Variants in PURG observed in about 807,000 individuals in gnomAD.
The protein encoded by PURG is purine rich element binding protein G, also known as purine-rich element-binding protein gamma.
Under a neutral mutation model 24.3 loss-of-function variants are expected in PURG, and 3 were observed. The observed-to-expected ratio is 0.12, with a 90% CI of 0.06 to 0.32. The LOEUF (loss-of-function observed/expected upper bound fraction) is 0.32. Ranked by LOEUF, PURG falls within the 10% of genes least tolerant of loss-of-function variation. The pLI is 1.00. For synonymous variants in PURG, 180 were observed against 173.1 expected, an observed-to-expected ratio of 1.04 and a Z score of -0.31; for missense variants, 371 against 439.1, an observed-to-expected ratio of 0.84 and a Z score of 1.39.
intron 1 of PURG, among the ~76,000 whole-genome samples, chr8:31,018,158 T>TAA (rs1468286557): frequency 6.6e-6 from 1 of 152,228 alleles, no homozygotes; most frequent in Admixed American, 6.5e-5. Context: ...ACCTAGTTCT[T>TAA]ACGTTGTTTT....
chr8:31,026,339 A>G (rs915603121), downstream of PURG, among the ~76,000 whole-genome samples: 25 of 151,698 alleles, frequency 1.6e-4, no homozygotes, highest in African/African-American at 6.0e-4. Flanking sequence ...TGTGAGGGGA[A>G]TACAGGAAGG....
intron 1 of PURG, among the ~76,000 whole-genome samples, chr8:31,013,838 C>T (rs1280762570): frequency 6.6e-6 from 1 of 152,192 alleles, no homozygotes; most frequent in East Asian, 1.9e-4. Context: ...CTCTGAGGAA[C>T]GCATGGAATT....
chr8:31,008,281 T>G (rs947718965), intron 1 of PURG, among the ~76,000 whole-genome samples: 1 of 152,206 alleles, frequency 6.6e-6, no homozygotes, highest in Non-Finnish European at 1.5e-5. Context: ...GTTAACAGCC[T>G]TATGTACCTG....
At chr8:31,018,385 T>C (rs1373384163) in intron 1 of PURG, among the ~76,000 whole-genome samples, 2 of 152,226 alleles carry the variant, frequency 1.3e-5, no homozygotes, top group African/African-American at 2.4e-5. Flanking sequence ...ATTAATTCCC[T>C]TTATGCATCC....
intron 1 of PURG, among the ~76,000 whole-genome samples, chr8:31,015,099 CATATTGCTT>C (rs1810834599): frequency 1.3e-5 from 2 of 152,162 alleles, no homozygotes; most frequent in Non-Finnish European, 2.9e-5. Context: ...GTTAAGAAAA[CATATTGCTT>C]ATTTTAAAGA....
rs1355150463 is a variant in PURG at position 31,032,295 on chromosome 8, G to A, written c.488C>T (p.Ser163Phe). The change falls in exon 2 of 2, where the codon TCC becomes TTC. Residue 163 changes from serine to phenylalanine, a missense_variant. Physicochemically the swap from Ser to Phe is radical, Grantham distance 155. This residue lies in a region of PURG where 213 missense variants were observed against 230.6 expected (regional missense o/e 0.92). Coordinates refer to ENST00000523392, the MANE Select transcript of PURG (RefSeq NM_001323311.2). This position sits in a 1 kb window ranked among gnomAD's most constrained non-coding sequence, Gnocchi z 5.9. The stretch of plus-strand genomic sequence containing the variant: ...CAGGACACTGTGAGGATGCTCTTCG[G>A]ACCCCACCGAGACTGGTGGGGAGGG... ...SAPSPPVSVG[S>F]EEHPHSVLKT... The A allele has an allele frequency of 6.2e-7, 1 of 1,612,804 alleles. No individual in the cohort carries two copies.
Position 31,032,817 on chromosome 8 carries a change from G to A in PURG, c.-6-29C>T, listed in dbSNP as rs146627351. 1.2e-4 allele frequency: 164 copies of A among 1,365,396 alleles called. No individual in the cohort carries two copies. In the East Asian group the frequency reaches 4.0e-3, roughly 34 times the overall value. The allele number at this position is 1,365,396 out of a possible 1,614,324, so 84.6% of individuals were successfully genotyped here. A position where few individuals can be genotyped will look rare whatever the true frequency, so the allele number is the denominator to read the frequency against. ...CAAGTAACAAACAGACACACGGGAT[G>A]GGGTGGGGGAGGGGTGTTGAGAACA... On this transcript the variant is annotated intron_variant, in intron 1 of 1. Transcript: ENST00000523392. The surrounding 1 kb of genome is among the most constrained non-coding windows in gnomAD (Gnocchi z 5.9).
At position 31,031,543 on chromosome 8, in the gene PURG, T is replaced by C. The variant is rs748827678; in HGVS notation, c.*196A>G. 3.3e-5 allele frequency: 20 copies of C among 604,380 alleles called. No homozygotes were observed. Among genetic ancestry groups the C allele is most frequent in the Admixed American group, 1.5e-4 (5 of 32,732 alleles). 37.4% of individuals were successfully genotyped at this position (604,380 alleles called of 1,614,324 possible). A position where few individuals can be genotyped will look rare whatever the true frequency, so the allele number is the denominator to read the frequency against. ...GCTAAACTATTTAGCTCTGGGAAGG[T>C]TGGAATTCCCGTAAGAATTATAGTG... is the stretch of plus-strand genomic sequence containing the variant. On this transcript the variant is annotated 3_prime_UTR_variant, in exon 2 of 2. Coordinates refer to ENST00000523392, the MANE Select transcript of PURG (RefSeq NM_001323311.2).
At chr8:31,022,527 C>T (rs1811016811) in intron 1 of PURG, among the ~76,000 whole-genome samples, 1 of 152,174 alleles carries the variant, frequency 6.6e-6, no homozygotes, top group South Asian at 2.1e-4. Context: ...CAAAGAGCAG[C>T]TCTGGTCTCT....
intron 1 of PURG, among the ~76,000 whole-genome samples, chr8:31,020,836 T>G (rs1171026612): frequency 6.6e-6 from 1 of 152,160 alleles, no homozygotes; most frequent in Non-Finnish European, 1.5e-5. Context: ...GTTCTTAAAG[T>G]GCGGTCCCCC....
chr8:31,002,202 C>T (rs1810550429), intron 1 of PURG, among the ~76,000 whole-genome samples: 1 of 152,068 alleles, frequency 6.6e-6, no homozygotes, highest in Non-Finnish European at 1.5e-5. Flanking sequence ...AAAGCTAAGA[C>T]CTGTAAAAAG....
intron 1 of PURG, among the ~76,000 whole-genome samples, chr8:30,997,521 T>C (rs773222716): frequency 7.9e-5 from 12 of 151,716 alleles, no homozygotes; most frequent in Non-Finnish European, 1.3e-4. Flanking sequence ...AATCATGTAA[T>C]GATCAGACTG....
In PURG at chr8:31,020,351, G is replaced by GA. The variant is rs1810969550; in HGVS notation, c.864+11567dup. On this transcript the variant is annotated intron_variant, in intron 1 of 1. Coordinates refer to the PURG transcript ENST00000339382. The stretch of plus-strand genomic sequence containing the variant: ...GCTACATGATGTATGTCACAAAATG[G>GA]AAAACTAAGGGATTAAATTAATTCC... 5.9e-5 allele frequency among the ~76,000 whole-genome samples: 9 copies of GA among 152,192 alleles called. No individual in the cohort carries two copies. The South Asian group carries it at 1.7e-3, about 28-fold the overall frequency.
At position 31,032,504 on chromosome 8, in the gene PURG, C is replaced by T. The variant is rs748079930; in HGVS notation, c.279G>A (p.Gly93=). The T allele has an allele frequency of 1.2e-6, 2 of 1,614,238 alleles. No individual in the cohort carries two copies. Among genetic ancestry groups the T allele is most frequent in the Admixed American group, 3.3e-5 (2 of 60,034 alleles). ...RFLKIAEVWI[G]RGRQDNIRKS... ...TTCTGATGTTGTCCTGCCGGCCTCTCCCTATCCAGACTTCGGCTATCTTTA... is the reference window on the plus strand; with the variant it reads ...TTCTGATGTTGTCCTGCCGGCCTCTTCCTATCCAGACTTCGGCTATCTTTA... The change falls in exon 2 of 2, where the codon GGG becomes GGA. Residue 93 remains glycine, a synonymous_variant. Coordinates refer to ENST00000523392, the MANE Select transcript of PURG (RefSeq NM_001323311.2). The surrounding 1 kb of genome is among the most constrained non-coding windows in gnomAD (Gnocchi z 5.9).
At position 31,032,768 on chromosome 8, in the gene PURG, C is replaced by A. The variant is rs1024777570; in HGVS notation, c.15G>T (p.Arg5Ser). The change falls in exon 2 of 2, where the codon AGG becomes AGT. Residue 5 changes from arginine (R) to serine (S), a missense_variant. Arg to Ser is a moderately radical substitution (Grantham distance 110). Transcript: ENST00000523392. This position sits in a 1 kb window ranked among gnomAD's most constrained non-coding sequence, Gnocchi z 5.9. Reference sequence around the variant, plus strand: ...CGCGGCCGCCGCCGCCTCCCCTTCGCCTGGCTCTTTCCATCTTCAGCTGCA... The same window carrying A: ...CGCGGCCGCCGCCGCCTCCCCTTCGACTGGCTCTTTCCATCTTCAGCTGCA... MERA[R>S]RRGGGGGRGR... 8 of 1,435,772 alleles carry A rather than the reference C, an allele frequency of 5.6e-6. No individual in the cohort carries two copies. The highest frequency in any genetic ancestry group is 7.3e-6 in the Non-Finnish European group (8 of 1,091,772). 88.9% of individuals were successfully genotyped at this position (1,435,772 alleles called of 1,614,324 possible). A position where few individuals can be genotyped will look rare whatever the true frequency, so the allele number is the denominator to read the frequency against.
chr8:31,022,712 C>T (rs1811020052), intron 1 of PURG, among the ~76,000 whole-genome samples: 1 of 152,188 alleles, frequency 6.6e-6, no homozygotes, highest in African/African-American at 2.4e-5. Context: ...CTGATTATAA[C>T]ATGAGATACC....
intron 1 of PURG, among the ~76,000 whole-genome samples, chr8:31,016,892 G>A (rs1336379978): frequency 6.6e-6 from 1 of 152,134 alleles, no homozygotes; most frequent in East Asian, 1.9e-4. Context: ...ATACTTAAGA[G>A]TATCTTTGAT....
Position 31,032,599 on chromosome 8 carries a change from A to T in PURG, c.184T>A (p.Ser62Thr). 1 of 1,609,470 alleles carries T rather than the reference A, an allele frequency of 6.2e-7. No individual in the cohort carries two copies. Among genetic ancestry groups the T allele is most frequent in the Non-Finnish European group, 8.5e-7 (1 of 1,176,842 alleles). ...GGAAEIQELA[S>T]KRVDIQKKRF... ...TTTTTCTGGATGTCCACTCGTTTGG[A>T]GGCCAGCTCCTGGATTTCGGCTGCG... The change falls in exon 2 of 2, where the codon TCC (serine) becomes ACC (threonine). Residue 62 changes from serine (S) to threonine (T), a missense_variant. Transcript: ENST00000523392. The surrounding 1 kb of genome is among the most constrained non-coding windows in gnomAD (Gnocchi z 5.9).
downstream of PURG, chr8:31,030,763 ATTATTAC>A (rs1811178946): frequency 6.6e-6 from 1 of 152,102 alleles, no homozygotes; most frequent in Admixed American, 6.5e-5. Flanking sequence ...ACTAAAATAT[ATTATTAC>A]AGGTATATTT....
Sources: gnomAD v4.1 joint callset for allele counts (sites outside exome capture counted in the v4.1 genomes callset) on GRCh38, gnomAD v4.1.1 for gene constraint, gnomAD v4.1.1 regional missense constraint, Gnocchi (gnomAD v3.1) non-coding constraint, MANE v1.5 for transcripts, NCBI Gene and HGNC (gene_info 2026-07-23, HGNC 2026-07-21) for gene names.